Variants in PCDHA8 observed in about 807,000 individuals in gnomAD.
The protein encoded by PCDHA8 is protocadherin alpha 8.
In PCDHA8, 53 loss-of-function variants were observed where a neutral mutation model predicts 61.8. The observed-to-expected ratio is 0.86, with a 90% confidence interval of 0.69 to 1.08. The LOEUF (loss-of-function observed/expected upper bound fraction) is 1.08, where lower values mean the gene tolerates loss of function less well. Ranked by LOEUF, PCDHA8 falls within the 50% of genes least tolerant of loss-of-function variation. The probability of loss-of-function intolerance (pLI) is 0.00; values close to 1 mark genes in which losing one functional copy is unlikely to be tolerated. For synonymous variants in PCDHA8, 618 were observed against 556.6 expected (o/e 1.11, Z -1.55); for missense variants, 1,293 against 1,245.0 (o/e 1.04, Z -0.58).
In PCDHA8 at chr5:140,858,867, T is replaced by C. The variant is rs183298446; in HGVS notation, c.2394+15152T>C. 1.7e-4 allele frequency: 42 copies of C among 253,674 alleles called. No homozygotes were observed. In the East Asian group the frequency reaches 3.9e-3, roughly 24 times the overall value. 15.7% of individuals were successfully genotyped at this position (253,674 alleles called of 1,614,324 possible). ...CTGATCTATATCTCTTCAGTGAAAATGTGTTTTCCTCCATGTGTAGAATAT... is the reference window on the plus strand; with the variant it reads ...CTGATCTATATCTCTTCAGTGAAAACGTGTTTTCCTCCATGTGTAGAATAT... On this transcript the variant is annotated intron_variant, in intron 1 of 3. Coordinates refer to ENST00000531613, the MANE Select transcript of PCDHA8 (RefSeq NM_018911.3).
Position 141,011,440 on chromosome 5 carries a change from T to G in PCDHA8, c.*1503T>G, listed in dbSNP as rs2098420601. 1 of 153,808 alleles carries G rather than the reference T, an allele frequency of 6.5e-6. No individual in the cohort carries two copies. Among genetic ancestry groups the G allele is most frequent in the Admixed American group, 6.5e-5 (1 of 15,282 alleles). 9.5% of individuals were successfully genotyped at this position (153,808 alleles called of 1,614,324 possible). A position where few individuals can be genotyped will look rare whatever the true frequency, so the allele number is the denominator to read the frequency against. Reference sequence around the variant, plus strand: ...ATGTTAATGCAACTATTACCTAGAGTGAACTTTAAGCTTTATTGTTGAATG... The same window carrying G: ...ATGTTAATGCAACTATTACCTAGAGGGAACTTTAAGCTTTATTGTTGAATG... On this transcript the variant is annotated 3_prime_UTR_variant, in exon 4 of 4. Transcript: ENST00000531613.
intron 1 of PCDHA8, chr5:140,868,151 C>A (rs1421051830): frequency 6.6e-6 from 1 of 151,990 alleles, no homozygotes. Flanking sequence ...GATTCTGTTA[C>A]ATAAAGTGCT....
intron 1 of PCDHA8, among the ~76,000 whole-genome samples, chr5:140,953,801 T>C (rs2094937379): frequency 6.6e-6 from 1 of 152,204 alleles, no homozygotes; most frequent in Non-Finnish European, 1.5e-5. Flanking sequence ...ACTTTTAAGT[T>C]CTGAGGTGCA....
Position 140,888,304 on chromosome 5 carries a change from T to C in PCDHA8, c.2394+44589T>C, listed in dbSNP as rs560267265. Among the ~76,000 whole-genome samples the C allele has an allele frequency of 9.2e-5, 14 of 152,272 alleles. No homozygotes were observed. The South Asian group carries it at 2.7e-3, about 29-fold the overall frequency. On this transcript the variant is annotated intron_variant, in intron 1 of 3. Transcript: ENST00000531613. The stretch of plus-strand genomic sequence containing the variant: ...CCTCTACCCCCTACCCAGGAGATAA[T>C]TTGGCAATGCCTGGATACATTTTTG...
intron 1 of PCDHA8, among the ~76,000 whole-genome samples, chr5:140,890,509 A>G (rs1448258191): frequency 6.6e-6 from 1 of 151,802 alleles, no homozygotes; most frequent in African/African-American, 2.4e-5. Flanking sequence ...TTATGTCTCT[A>G]TTTCCTTCCT....
chr5:140,966,061 C>T (rs2095963591), intron 1 of PCDHA8, among the ~76,000 whole-genome samples: 1 of 152,222 alleles, frequency 6.6e-6, no homozygotes, highest in Non-Finnish European at 1.5e-5. Flanking sequence ...CCCAGAGCGC[C>T]TCCCCCTGCG....
intron 3 of PCDHA8, among the ~76,000 whole-genome samples, chr5:141,007,512 G>C (rs2098333445): frequency 6.6e-6 from 1 of 152,040 alleles, no homozygotes; most frequent in Admixed American, 6.6e-5. Context: ...AGACTGCAGT[G>C]AGCTGATATC....
chr5:140,849,845 C>G (rs2150453241), intron 1 of PCDHA8: 1 of 1,598,630 alleles, frequency 6.3e-7, no homozygotes, highest in East Asian at 2.2e-5. Context: ...ACGTGAACGA[C>G]AACGCACCAG....
At chr5:141,009,511 G>C in intron 3 of PCDHA8, 116 bp from the exon 4 acceptor site, 2 of 1,498,174 alleles carry the variant, frequency 1.3e-6, no homozygotes, top group Non-Finnish European at 1.8e-6. Context: ...CAAACAACTC[G>C]TGATTTTTCT....
At chr5:140,975,084 T>C (rs1353727401) in intron 1 of PCDHA8, among the ~76,000 whole-genome samples, 1 of 152,140 alleles carries the variant, frequency 6.6e-6, no homozygotes, top group African/African-American at 2.4e-5. Context: ...GTTGGCAGAA[T>C]CCAGTTGTTT....
At chr5:140,884,341 G>C in intron 1 of PCDHA8, 2 of 1,613,910 alleles carry the variant, frequency 1.2e-6, no homozygotes, top group Non-Finnish European at 1.7e-6. Context: ...GTCCAGAAGC[G>C]GCGCTGGTGG....
At chr5:140,851,638 T>G in intron 1 of PCDHA8, 1 of 915,858 alleles carries the variant, frequency 1.1e-6, no homozygotes, top group Non-Finnish European at 1.3e-6. Context: ...AAGTGTTTCC[T>G]TTCTTCAAGA....
intron 1 of PCDHA8, among the ~76,000 whole-genome samples, chr5:140,916,511 C>G (rs2077595595): frequency 6.6e-6 from 1 of 152,132 alleles, no homozygotes; most frequent in African/African-American, 2.4e-5. Flanking sequence ...ATTAATCTTG[C>G]CAAGACTGGG....
chr5:141,003,074 G>A (rs941146075), intron 3 of PCDHA8, among the ~76,000 whole-genome samples: 2 of 152,224 alleles, frequency 1.3e-5, no homozygotes, highest in Non-Finnish European at 2.9e-5. Flanking sequence ...GCAGATGAGG[G>A]TGAGTTTAAC....
chr5:140,980,216 G>A (rs1554241518), intron 2 of PCDHA8, among the ~76,000 whole-genome samples: 1 of 152,190 alleles, frequency 6.6e-6, no homozygotes, highest in African/African-American at 2.4e-5. Flanking sequence ...GCTTTTGCCT[G>A]CATCTGAGCT....
chr5:140,856,177 C>T (rs200004763), intron 1 of PCDHA8: 1 of 1,598,248 alleles, frequency 6.3e-7, no homozygotes, highest in Non-Finnish European at 8.6e-7. Context: ...ACGGCACCTT[C>T]GTGGGCCGCA....
intron 1 of PCDHA8, among the ~76,000 whole-genome samples, chr5:140,953,819 G>A (rs782420849): frequency 1.3e-5 from 2 of 151,904 alleles, no homozygotes; most frequent in Non-Finnish European, 1.5e-5. Context: ...GCATGTGCTA[G>A]TTGTGCAGGT....
At chr5:140,885,595 A>G (rs1386755812) in intron 1 of PCDHA8, among the ~76,000 whole-genome samples, 1 of 152,218 alleles carries the variant, frequency 6.6e-6, no homozygotes, top group Non-Finnish European at 1.5e-5. Context: ...CATCAAAGAT[A>G]TTAATAATTT....
At chr5:140,989,101 A>G (rs1293454775) in intron 3 of PCDHA8, 1 of 152,216 alleles carries the variant, frequency 6.6e-6, no homozygotes, top group African/African-American at 2.4e-5. Flanking sequence ...AGGAGAAACA[A>G]CTTTTGAATA....
Sources: allele counts gnomAD v4.1 joint callset (sites outside exome capture counted in the v4.1 genomes callset), GRCh38; gene constraint gnomAD v4.1.1; transcripts MANE v1.5; gene names NCBI Gene and HGNC (gene_info 2026-07-23, HGNC 2026-07-21).